Variants in PTBP2 observed in about 807,000 individuals in gnomAD.
PTBP2 encodes polypyrimidine tract-binding protein 2.
PTBP2 carries 13 observed loss-of-function variants against 61.4 expected under a neutral mutation model. That is an observed-to-expected ratio of 0.21 (90% CI 0.14 to 0.34). The LOEUF (loss-of-function observed/expected upper bound fraction) is 0.34, where lower values mean the gene tolerates loss of function less well. Ranked by LOEUF, PTBP2 falls within the 10% of genes least tolerant of loss-of-function variation. The probability of loss-of-function intolerance (pLI) is 1.00; values close to 1 mark genes in which losing one functional copy is unlikely to be tolerated. For synonymous variants in PTBP2, 215 were observed against 218.5 expected, an observed-to-expected ratio of 0.98 and a Z score of 0.14; for missense variants, 405 against 642.6, an observed-to-expected ratio of 0.63 and a Z score of 4.00.
chr1:96,723,382 G>T (rs1649908018), intron 1 of PTBP2, among the ~76,000 whole-genome samples, 182 bp from the exon 2 acceptor site: 1 of 152,132 alleles, frequency 6.6e-6, no homozygotes, highest in African/African-American at 2.4e-5. Flanking sequence ...GTTACTTTTA[G>T]AAAACCAGGT....
In PTBP2 at chr1:96,721,820, C is replaced by G. The variant is rs1309749155; in HGVS notation, c.-45C>G. ...TCTCGCCGCTTGTGTGGCTCGCTGG[C>G]TGCGTGGCTCGGTTCTTGTGAGCGA... On this transcript the variant is annotated 5_prime_UTR_variant, in exon 1 of 14. Transcript: ENST00000674951. The G allele has an allele frequency of 1.9e-6, 3 of 1,554,532 alleles. No individual in the cohort carries two copies. The highest frequency in any genetic ancestry group is 2.0e-5 in the Admixed American group (1 of 51,138).
chr1:96,733,889 C>T (rs1005184633), intron 2 of PTBP2, among the ~76,000 whole-genome samples: 3 of 152,100 alleles, frequency 2.0e-5, no homozygotes, highest in Non-Finnish European at 1.5e-5. Context: ...TGACTGATCT[C>T]CAAAAAGATT....
Position 96,773,123 on chromosome 1 carries a change from C to CAAAAAAAA in PTBP2, c.432+2288_432+2295dup, listed in dbSNP as rs563241972. Among the ~76,000 whole-genome samples, 6 of 88,252 alleles carry CAAAAAAAA rather than the reference C, an allele frequency of 6.8e-5. 1 individual carries two copies. Among genetic ancestry groups the CAAAAAAAA allele is most frequent in the Middle Eastern group, 0.015 (2 of 132 alleles). The allele number at this position is 88,252 out of a possible 152,430, so 57.9% of individuals were successfully genotyped here. A position where few individuals can be genotyped will look rare whatever the true frequency, so the allele number is the denominator to read the frequency against. ...TGGGTGACAGAGCGAGACTCTATCTCAAAAAAAAAAAAAAAAAAAAAAAGA... is the reference window on the plus strand; with the variant it reads ...TGGGTGACAGAGCGAGACTCTATCTCAAAAAAAAAAAAAAAAAAAAAAAAAAAAAAAGA... On this transcript the variant is annotated intron_variant, in intron 5 of 13. Coordinates refer to ENST00000674951, the MANE Select transcript of PTBP2 (RefSeq NM_021190.4).
At chr1:96,726,325 T>C (rs1230518368) in intron 2 of PTBP2, among the ~76,000 whole-genome samples, 2 of 146,924 alleles carry the variant, frequency 1.4e-5, no homozygotes, top group Non-Finnish European at 3.0e-5. Context: ...CAGGCTGGAG[T>C]GCAGTGGCAT....
intron 11 of PTBP2, among the ~76,000 whole-genome samples, chr1:96,810,388 T>G (rs1000846563): frequency 6.6e-6 from 1 of 152,164 alleles, no homozygotes; most frequent in Non-Finnish European, 1.5e-5. Flanking sequence ...TGACAAAGCT[T>G]TTGTTTTCTT....
intron 8 of PTBP2, among the ~76,000 whole-genome samples, chr1:96,796,316 G>T (rs1660384900): frequency 6.6e-6 from 1 of 151,302 alleles, no homozygotes; most frequent in Non-Finnish European, 1.5e-5. Flanking sequence ...AGAAGTAGGT[G>T]CAGAGCTGGA....
At chr1:96,774,193 G>A (rs1657746574) in intron 5 of PTBP2, among the ~76,000 whole-genome samples, 1 of 151,814 alleles carries the variant, frequency 6.6e-6, no homozygotes, top group African/African-American at 2.4e-5. Flanking sequence ...TTAATGGTGA[G>A]GGTACAAGTT....
At chr1:96,800,326 G>T (rs1199073875) in intron 8 of PTBP2, among the ~76,000 whole-genome samples, 2 of 148,618 alleles carry the variant, frequency 1.3e-5, no homozygotes, top group Non-Finnish European at 3.0e-5. Context: ...AAATTTTTCT[G>T]TCTAGAAGAT....
intron 3 of PTBP2, among the ~76,000 whole-genome samples, chr1:96,760,425 T>A (rs1331092180): frequency 4.0e-5 from 6 of 149,072 alleles, no homozygotes; most frequent in Non-Finnish European, 7.4e-5. Flanking sequence ...ATAACATAGT[T>A]GGGAAAATAG....
At chr1:96,786,699 A>G (rs1329101043) in intron 8 of PTBP2, among the ~76,000 whole-genome samples, 6 of 152,240 alleles carry the variant, frequency 3.9e-5, no homozygotes, top group Non-Finnish European at 8.8e-5. Flanking sequence ...AGATGGTCTC[A>G]TCAAGATTTT....
At chr1:96,724,246 T>A (rs572469085) in intron 2 of PTBP2, among the ~76,000 whole-genome samples, 32 of 135,920 alleles carry the variant, frequency 2.4e-4, no homozygotes, top group East Asian at 1.0e-3. Flanking sequence ...TGTATTGTAA[T>A]TTTTTTTTGT....
At chr1:96,779,832 C>G (rs1658450826) in intron 7 of PTBP2, among the ~76,000 whole-genome samples, 1 of 151,930 alleles carries the variant, frequency 6.6e-6, no homozygotes, top group Non-Finnish European at 1.5e-5. Flanking sequence ...ATTTTACTTG[C>G]CTGCATCTGG....
intron 2 of PTBP2, among the ~76,000 whole-genome samples, chr1:96,729,670 G>T (rs1651110618): frequency 6.6e-6 from 1 of 151,538 alleles, no homozygotes; most frequent in Admixed American, 6.6e-5. Flanking sequence ...ATCTTCTGTA[G>T]AACTAGTCCA....
At chr1:96,735,537 T>G (rs540592803) in intron 2 of PTBP2, among the ~76,000 whole-genome samples, 84 of 152,208 alleles carry the variant, frequency 5.5e-4, no homozygotes, top group African/African-American at 2.0e-3. Context: ...TGAGAATGGT[T>G]GTTGTTGTAG....
At position 96,813,364 on chromosome 1, in the gene PTBP2, A is replaced by T. The variant is rs1252077327; in HGVS notation, c.1555A>T (p.Asn519Tyr). The T allele has an allele frequency of 6.2e-7, 1 of 1,602,912 alleles. No homozygotes were observed. The highest frequency in any genetic ancestry group is 1.3e-5 in the African/African-American group (1 of 74,384). Residue 519 changes from asparagine (N) to tyrosine (Y), a missense_variant, in exon 14 of 14, where the codon AAC (asparagine) becomes TAC (tyrosine). Transcript: ENST00000674951. ...TCTTCATAATTATAACCTTGGAGAAAACCATCATCTGAGAGTGTCTTTCTC... is the reference window on the plus strand; with the variant it reads ...TCTTCATAATTATAACCTTGGAGAATACCATCATCTGAGAGTGTCTTTCTC... ...IDLHNYNLGE[N>Y]HHLRVSFSKS...
At chr1:96,817,111 CAT>C (rs1299153850), downstream of PTBP2, 1 of 152,074 alleles carries the variant, frequency 6.6e-6, no homozygotes, top group Non-Finnish European at 1.5e-5. Context: ...ATAAAATGCA[CAT>C]ATTTAATTAT....
In PTBP2 at chr1:96,726,957, A is replaced by G. The variant is rs150201395; in HGVS notation, c.39+3363A>G. ...AAAATAAACTACCCATATTAAATAT[A>G]CAATGTTTTATCTCATATATACCCT... On this transcript the variant is annotated intron_variant, in intron 2 of 13. Transcript: ENST00000674951. 5.3e-3 allele frequency among the ~76,000 whole-genome samples: 812 copies of G among 152,318 alleles called. 2 individuals are homozygous for G. Among genetic ancestry groups the G allele is most frequent in the Non-Finnish European group, 5.1e-3 (344 of 68,030 alleles).
intron 2 of PTBP2, among the ~76,000 whole-genome samples, chr1:96,734,136 T>C (rs1651818457): frequency 6.6e-6 from 1 of 152,278 alleles, no homozygotes; most frequent in South Asian, 2.1e-4. Context: ...TTAAAACTAT[T>C]ATAATGAATT....
chr1:96,738,919 C>A (rs952136298), intron 2 of PTBP2, among the ~76,000 whole-genome samples: 1 of 152,116 alleles, frequency 6.6e-6, no homozygotes, highest in African/African-American at 2.4e-5. Context: ...ATGCTGATTA[C>A]AGCATTATTT....
Sources: gnomAD v4.1 joint callset for allele counts (sites outside exome capture counted in the v4.1 genomes callset) on GRCh38, gnomAD v4.1.1 for gene constraint, MANE v1.5 for transcripts, NCBI Gene and HGNC (gene_info 2026-07-23, HGNC 2026-07-21) for gene names.